TDRD1: variants seen among roughly 807,000 people sequenced by gnomAD.
TDRD1 encodes the protein tudor domain containing 1.
In TDRD1, 37 loss-of-function variants were observed where a neutral mutation model predicts 140.6. The ratio of observed to expected loss-of-function variants is 0.26; its 90% confidence interval spans 0.20 to 0.35. The LOEUF is 0.35. TDRD1 is among the 10% of genes least tolerant of loss of function. The pLI, the probability that TDRD1 is intolerant of heterozygous loss-of-function variation, is 1.00. For synonymous variants in TDRD1, 506 were observed against 475.7 expected, an observed-to-expected ratio of 1.06 and a Z score of -0.83; for missense variants, 1,243 against 1,393.0, an observed-to-expected ratio of 0.89 and a Z score of 1.71.
At chr10:114,202,157 A>G (rs2034788802) in intron 5 of TDRD1, 81 bp from the exon 6 acceptor site, 2 of 1,107,010 alleles carry the variant, frequency 1.8e-6, no homozygotes, top group African/African-American at 3.2e-5. Flanking sequence ...TTGTTCATTG[A>G]GAATACCATA....
intron 25 of TDRD1, among the ~76,000 whole-genome samples, chr10:114,229,739 A>T (rs1365708770): frequency 1.3e-5 from 2 of 150,886 alleles, no homozygotes; most frequent in Non-Finnish European, 3.0e-5. Flanking sequence ...GGTGATTTTA[A>T]TTTCATAGAT....
intron 15 of TDRD1, 102 bp downstream of exon 15, chr10:114,213,690 T>C: frequency 1.9e-6 from 2 of 1,061,280 alleles, no homozygotes; most frequent in Non-Finnish European, 2.7e-6. Flanking sequence ...TTGAATGCCT[T>C]TCATCTTTTT....
intron 4 of TDRD1, among the ~76,000 whole-genome samples, chr10:114,199,832 T>C (rs1484916358): frequency 3.3e-5 from 5 of 152,254 alleles, no homozygotes; most frequent in Non-Finnish European, 7.3e-5. Flanking sequence ...CATTGTATGG[T>C]TATACCATAG....
chr10:114,185,879 G>A (rs1475614848), intron 1 of TDRD1, among the ~76,000 whole-genome samples: 2 of 152,196 alleles, frequency 1.3e-5, no homozygotes, highest in African/African-American at 2.4e-5. Context: ...ATGAGCCACC[G>A]TGCCTGGCCT....
intron 15 of TDRD1, 107 bp downstream of exon 15, chr10:114,213,695 CT>C: frequency 9.7e-7 from 1 of 1,035,958 alleles, no homozygotes; most frequent in Non-Finnish European, 1.4e-6. Context: ...TGCCTTTCAT[CT>C]TTTTAAATCA....
At chr10:114,209,449 A>G (rs1244530881) in intron 11 of TDRD1, among the ~76,000 whole-genome samples, 1 of 152,192 alleles carries the variant, frequency 6.6e-6, no homozygotes, top group Admixed American at 6.5e-5. Context: ...CAACAGGACA[A>G]CAGTTCATTT....
upstream of TDRD1, among the ~76,000 whole-genome samples, chr10:114,175,124 A>C (rs951414048): frequency 6.6e-6 from 1 of 152,194 alleles, no homozygotes; most frequent in Non-Finnish European, 1.5e-5. Context: ...TCCTTAAATG[A>C]AGGTACTACA....
chr10:114,192,542 A>C (rs906069246), intron 3 of TDRD1, among the ~76,000 whole-genome samples: 1 of 151,716 alleles, frequency 6.6e-6, no homozygotes, highest in Admixed American at 6.6e-5. Flanking sequence ...TCCTGACCTC[A>C]TGATCCGCCT....
chr10:114,220,842 A>G (rs753929200), exon 19 of TDRD1: 2 of 1,601,512 alleles, frequency 1.2e-6, no homozygotes, highest in South Asian at 2.2e-5. Flanking sequence ...AGGGACTTCA[A>G]GGTAACATTT....
exon 14 of TDRD1, chr10:114,212,009 A>G (rs2035516958): frequency 5.0e-6 from 8 of 1,611,512 alleles, no homozygotes; most frequent in East Asian, 4.5e-5. Context: ...GGAATTGCCA[A>G]TGCAAGCTAT....
intron 3 of TDRD1, among the ~76,000 whole-genome samples, chr10:114,192,373 G>A (rs956268209): frequency 3.0e-5 from 4 of 134,660 alleles, no homozygotes; most frequent in African/African-American, 5.8e-5. Context: ...GCGCGATCTC[G>A]GCTCACTGCA....
At chr10:114,229,017 C>T (rs551148779) in intron 25 of TDRD1, among the ~76,000 whole-genome samples, 9 of 151,998 alleles carry the variant, frequency 5.9e-5, no homozygotes, top group East Asian at 3.9e-4. Context: ...CAGGAGGCGG[C>T]GGTTGCAGTG....
At chr10:114,194,774 T>TTA (rs1554938452) in intron 3 of TDRD1, among the ~76,000 whole-genome samples, 4 of 150,488 alleles carry the variant, frequency 2.7e-5, no homozygotes, top group East Asian at 1.9e-4. Context: ...TTTTTTTTTT[T>TTA]ATTAGACAAG....
intron 11 of TDRD1, among the ~76,000 whole-genome samples, chr10:114,207,891 G>A (rs1429993498): frequency 6.6e-6 from 1 of 152,000 alleles, no homozygotes; most frequent in Non-Finnish European, 1.5e-5. Flanking sequence ...GCTAAGGCCA[G>A]TACAGACAAG....
intron 8 of TDRD1, 32 bp from the exon 9 acceptor site, chr10:114,204,041 T>G: frequency 6.3e-7 from 1 of 1,579,236 alleles, no homozygotes; most frequent in Non-Finnish European, 8.5e-7. Context: ...AATGCTGTTA[T>G]GAAGCAGAGT....
rs111792206 is a variant in TDRD1 at position 114,209,775 on chromosome 10, A to G, written c.1385-806A>G. On this transcript the variant is annotated intron_variant, in intron 11 of 25. Transcript: ENST00000251864. ...TTCATGGTGAGAACCATTTCCTTTAATAAGTCTATAATCTAGATAATTATT... is the reference window on the plus strand; with the variant it reads ...TTCATGGTGAGAACCATTTCCTTTAGTAAGTCTATAATCTAGATAATTATT... Among the ~76,000 whole-genome samples, 713 of 152,286 alleles carry G rather than the reference A, an allele frequency of 4.7e-3. 7 individuals carry two copies. The highest frequency in any genetic ancestry group is 0.016 in the African/African-American group (678 of 41,552).
At chr10:114,199,214 AAAC>A (rs2034566827) in exon 4 of TDRD1, 5 of 1,614,064 alleles carry the variant, frequency 3.1e-6, no homozygotes, top group Admixed American at 3.3e-5. Flanking sequence ...CAAAAAAACT[AAAC>A]AAGTTGGTCG....
chr10:114,181,611 C>T (rs562385017), intron 1 of TDRD1, among the ~76,000 whole-genome samples: 16 of 152,108 alleles, frequency 1.1e-4, no homozygotes, highest in Admixed American at 6.5e-4. Flanking sequence ...TCCAGCGCTT[C>T]GGGAGGCTGA....
chr10:114,177,768 A>G (rs547114201), upstream of TDRD1, among the ~76,000 whole-genome samples: 29 of 152,186 alleles, frequency 1.9e-4, no homozygotes, highest in Admixed American at 1.3e-3. Flanking sequence ...CCATGCTAAT[A>G]ATAGGGGAAA....
Sources: gnomAD v4.1 joint callset for allele counts (sites outside exome capture counted in the v4.1 genomes callset) on GRCh38, gnomAD v4.1.1 for gene constraint, MANE v1.5 for transcripts, NCBI Gene and HGNC (gene_info 2026-07-23, HGNC 2026-07-21) for gene names.